DIAPH3: variants seen among roughly 807,000 people sequenced by gnomAD.
DIAPH3 encodes the protein protein diaphanous homolog 3.
Under a neutral mutation model 144.3 loss-of-function variants are expected in DIAPH3, and 117 were observed. The observed-to-expected ratio is 0.81, with a 90% confidence interval of 0.70 to 0.95. The LOEUF is 0.95. DIAPH3 is among the 40% of genes least tolerant of loss of function. DIAPH3 has a pLI of 0.00. For synonymous variants in DIAPH3, 519 were observed against 488.9 expected, an observed-to-expected ratio of 1.06 and a Z score of -0.81; for missense variants, 1,421 against 1,412.7, an observed-to-expected ratio of 1.01 and a Z score of -0.09.
At chr13:60,009,161 T>C (rs750488033) in intron 8 of DIAPH3, among the ~76,000 whole-genome samples, 41 of 152,120 alleles carry the variant, frequency 2.7e-4, no homozygotes, top group Non-Finnish European at 5.3e-4. Flanking sequence ...TAGTCGAAAA[T>C]ATATAATAGT....
intron 27 of DIAPH3, among the ~76,000 whole-genome samples, chr13:59,699,838 A>AC (rs1389949174): frequency 6.6e-6 from 1 of 152,132 alleles, no homozygotes; most frequent in Non-Finnish European, 1.5e-5. Flanking sequence ...TACCCTGGTG[A>AC]CACCCACCCT....
intron 17 of DIAPH3, among the ~76,000 whole-genome samples, chr13:59,966,057 A>G (rs1200374825): frequency 6.6e-6 from 1 of 152,204 alleles, no homozygotes; most frequent in Non-Finnish European, 1.5e-5. Flanking sequence ...GAGAATCAAG[A>G]AAACTGAAGT....
At chr13:59,758,048 G>C (rs1566268521) in intron 27 of DIAPH3, among the ~76,000 whole-genome samples, 1 of 152,110 alleles carries the variant, frequency 6.6e-6, no homozygotes, top group Admixed American at 6.5e-5. Context: ...ATCCATAGAA[G>C]AAATGCAAAT....
At chr13:60,073,920 C>T (rs1182521803) in intron 4 of DIAPH3, among the ~76,000 whole-genome samples, 1 of 152,192 alleles carries the variant, frequency 6.6e-6, no homozygotes, top group Non-Finnish European at 1.5e-5. Flanking sequence ...ATCAGGCCAT[C>T]TGCACTGTGG....
chr13:59,876,741 T>C (rs1447671161), intron 21 of DIAPH3, among the ~76,000 whole-genome samples: 4 of 152,172 alleles, frequency 2.6e-5, no homozygotes, highest in South Asian at 4.1e-4. Context: ...GCCAGTTTTT[T>C]TGTGTCAACT....
chr13:59,873,336 A>T lies in DIAPH3; in HGVS notation c.2607+5893T>A, dbSNP rs183457502. On this transcript the variant is annotated intron_variant, in intron 21 of 27. Transcript: ENST00000400324. ...GATTTGTTCGGCAGAGATCTTTCTT[A>T]AAAATAAATTCATAGAGTAAAGGAA... Among the ~76,000 whole-genome samples, 244 of 152,342 alleles carry T rather than the reference A, an allele frequency of 1.6e-3. 1 individual carries two copies. The highest frequency in any genetic ancestry group is 5.5e-3 in the African/African-American group (230 of 41,568).
chr13:60,153,175 T>A (rs1421571542), intron 1 of DIAPH3, among the ~76,000 whole-genome samples: 1 of 152,094 alleles, frequency 6.6e-6, no homozygotes, highest in African/African-American at 2.4e-5. Context: ...TTTCACAAGC[T>A]CTTCCACTTA....
intron 18 of DIAPH3, among the ~76,000 whole-genome samples, chr13:59,922,736 T>A (rs977397167): frequency 6.6e-6 from 1 of 152,084 alleles, no homozygotes; most frequent in Non-Finnish European, 1.5e-5. Flanking sequence ...TAATATGACA[T>A]GGTATAAATT....
At chr13:60,079,893 C>T (rs987157223) in intron 4 of DIAPH3, among the ~76,000 whole-genome samples, 7 of 151,872 alleles carry the variant, frequency 4.6e-5, no homozygotes, top group African/African-American at 1.7e-4. Flanking sequence ...TCATTTTACA[C>T]TTTACTTGAA....
At chr13:60,056,180 GAATA>G (rs973551219) in intron 4 of DIAPH3, among the ~76,000 whole-genome samples, 8 of 150,206 alleles carry the variant, frequency 5.3e-5, no homozygotes, top group Non-Finnish European at 7.4e-5. Context: ...TGAGGTTTTT[GAATA>G]TATATAAAAT....
chr13:60,143,496 C>T (rs1011832668), intron 1 of DIAPH3, among the ~76,000 whole-genome samples: 1 of 152,118 alleles, frequency 6.6e-6, no homozygotes, highest in Non-Finnish European at 1.5e-5. Context: ...AATACTACAC[C>T]TGAGGTTCAG....
intron 27 of DIAPH3, among the ~76,000 whole-genome samples, chr13:59,756,638 A>G (rs1161091416): frequency 6.6e-6 from 1 of 152,106 alleles, no homozygotes; most frequent in Non-Finnish European, 1.5e-5. Context: ...CATCATGTAG[A>G]CTAAGGTTAG....
intron 27 of DIAPH3, among the ~76,000 whole-genome samples, chr13:59,707,993 A>C (rs931095059): frequency 1.3e-5 from 2 of 151,974 alleles, no homozygotes; most frequent in African/African-American, 2.4e-5. Flanking sequence ...TTTAAAAAAA[A>C]AAAAACAAAA....
intron 25 of DIAPH3, among the ~76,000 whole-genome samples, chr13:59,784,202 C>A (rs922919666): frequency 4.6e-5 from 7 of 151,932 alleles, no homozygotes; most frequent in Non-Finnish European, 8.8e-5. Flanking sequence ...CCTGTCTCAA[C>A]CTCCTGAGTA....
intron 18 of DIAPH3, among the ~76,000 whole-genome samples, chr13:59,923,412 C>T (rs191806747): frequency 2.0e-4 from 30 of 152,136 alleles, no homozygotes; most frequent in Admixed American, 1.8e-3. Context: ...GGGAAATTCC[C>T]TAAAATATGT....
chr13:59,876,521 A>G (rs541063461), intron 21 of DIAPH3, among the ~76,000 whole-genome samples: 3 of 152,350 alleles, frequency 2.0e-5, no homozygotes, highest in African/African-American at 4.8e-5. Context: ...TATCTCAATG[A>G]GAGGATGTCT....
At chr13:60,132,742 T>C (rs1222503518) in intron 2 of DIAPH3, among the ~76,000 whole-genome samples, 4 of 152,052 alleles carry the variant, frequency 2.6e-5, no homozygotes, top group Non-Finnish European at 5.9e-5. Context: ...ATTAAACAAA[T>C]TTTTTTAATT....
At position 59,793,258 on chromosome 13, in the gene DIAPH3, G is replaced by A. The variant is rs1054388877; in HGVS notation, c.3163+17530C>T. The stretch of plus-strand genomic sequence containing the variant: ...CTTGTTGTTCTCCACCCCTCCTGCC[G>A]CCCTCAGAAGTTTACTCCATTGATT... On this transcript the variant is annotated intron_variant, in intron 25 of 27. Transcript: ENST00000400324. Among the ~76,000 whole-genome samples the A allele has an allele frequency of 5.3e-5, 8 of 152,048 alleles. No individual in the cohort carries two copies. The East Asian group carries it at 9.7e-4, about 18-fold the overall frequency.
rs1369552515 is a variant in DIAPH3 at position 60,016,125 on chromosome 13, T to C, written c.647A>G (p.His216Arg). 3.1e-6 allele frequency: 5 copies of C among 1,613,682 alleles called. No homozygotes were observed. The African/African-American group carries it at 4.0e-5, about 13-fold the overall frequency. ...GTCTAATAATAATCCAAGCCCTTCA[T>C]GTCCAAAGCTTTCCACCCAACTGAA... Reference protein sequence around the residue: ...NPVSWVESFGHEGLGLLLDIL... With the variant: ...NPVSWVESFGREGLGLLLDIL... Residue 216 changes from histidine (H) to arginine (R), a missense_variant, in exon 6 of 28, where the codon CAT becomes CGT. Transcript: ENST00000400324.
Sources: gnomAD v4.1 joint callset for allele counts (sites outside exome capture counted in the v4.1 genomes callset) on GRCh38, gnomAD v4.1.1 for gene constraint, MANE v1.5 for transcripts, NCBI Gene and HGNC (gene_info 2026-07-23, HGNC 2026-07-21) for gene names.